Variants in XXYLT1 observed in about 807,000 individuals in gnomAD.
XXYLT1 encodes the protein UDP-xylose:alpha-xyloside alpha-1,3-xylosyltransferase.
XXYLT1 carries 20 observed loss-of-function variants against 28.9 expected under a neutral mutation model. The ratio of observed to expected loss-of-function variants is 0.69; its 90% confidence interval spans 0.49 to 1.00. The LOEUF (loss-of-function observed/expected upper bound fraction) is 1.00, where lower values mean the gene tolerates loss of function less well. Among genes scored for constraint, XXYLT1 ranks in the 50% least tolerant of loss-of-function variants. XXYLT1 has a pLI of 0.00. For synonymous variants in XXYLT1, 257 were observed against 253.8 expected, an observed-to-expected ratio of 1.01 and a Z score of -0.12; for missense variants, 542 against 560.1, an observed-to-expected ratio of 0.97 and a Z score of 0.33.
At chr3:195,172,988 C>T (rs181718016) in intron 2 of XXYLT1, among the ~76,000 whole-genome samples, 9 of 152,282 alleles carry the variant, frequency 5.9e-5, no homozygotes, top group East Asian at 1.9e-4. Context: ...CACACCTGAT[C>T]GGGTGAGGGG....
At chr3:195,242,302 A>G (rs1724811201) in intron 1 of XXYLT1, among the ~76,000 whole-genome samples, 2 of 152,166 alleles carry the variant, frequency 1.3e-5, no homozygotes, top group South Asian at 4.1e-4. Context: ...TACTCTAAAC[A>G]TTCCGGAGCA....
At chr3:195,148,820 G>T (rs955500045) in intron 3 of XXYLT1, among the ~76,000 whole-genome samples, 2 of 152,194 alleles carry the variant, frequency 1.3e-5, no homozygotes, top group African/African-American at 4.8e-5. Context: ...ACTCTCCTCA[G>T]CTCTAAACTC....
At chr3:195,158,735 G>A (rs760567848) in intron 2 of XXYLT1, among the ~76,000 whole-genome samples, 40 of 152,240 alleles carry the variant, frequency 2.6e-4, no homozygotes, top group Non-Finnish European at 4.4e-5. Context: ...CCCCTGTGCA[G>A]CCTGCACTGT....
chr3:195,123,743 C>T (rs146848899), intron 3 of XXYLT1, among the ~76,000 whole-genome samples: 30 of 152,320 alleles, frequency 2.0e-4, no homozygotes, highest in African/African-American at 7.2e-4. Flanking sequence ...TCACAGCCAG[C>T]CATCTCCTCA....
rs1222696754 is a variant in XXYLT1, at chr3:195,195,132, G to T, written c.652+31577C>A. ...AAAATTCTCTTTAAACCATAAAACA[G>T]CAGCTGTTACTACAATGGTTGTTGA... On this transcript the variant is annotated intron_variant, in intron 2 of 3. Coordinates refer to ENST00000310380, the MANE Select transcript of XXYLT1 (RefSeq NM_152531.5). This position sits in a 1 kb window ranked among gnomAD's most constrained non-coding sequence, Gnocchi z 4.4. Among the ~76,000 whole-genome samples the T allele has an allele frequency of 6.6e-6, 1 of 151,908 alleles. No individual in the cohort carries two copies. Among genetic ancestry groups the T allele is most frequent in the African/African-American group, 2.4e-5 (1 of 41,304 alleles).
intron 2 of XXYLT1, among the ~76,000 whole-genome samples, chr3:195,199,052 A>C (rs987949372): frequency 3.3e-5 from 5 of 152,216 alleles, no homozygotes; most frequent in African/African-American, 1.2e-4. Context: ...GATCAACTGC[A>C]TTACCAGGGA....
intron 2 of XXYLT1, chr3:195,175,966 G>T: frequency 7.7e-7 from 1 of 1,302,444 alleles, no homozygotes; most frequent in Non-Finnish European, 9.9e-7. Context: ...GCTTAGTCTA[G>T]CCTTACTAAC....
rs762786639 is a variant in XXYLT1, at chr3:195,270,622, G to A, written c.437C>T (p.Ala146Val). 2.6e-6 allele frequency: 4 copies of A among 1,521,856 alleles called. No homozygotes were observed. The highest frequency in any genetic ancestry group is 1.2e-5 in the South Asian group (1 of 83,266). 94.3% of individuals were successfully genotyped at this position (1,521,856 alleles called of 1,614,324 possible). Residue 146 changes from alanine (A) to valine (V), a missense_variant, in exon 1 of 4, where the codon GCC becomes GTC. Ala to Val is a moderately conservative substitution (Grantham distance 64). Coordinates refer to ENST00000310380, the MANE Select transcript of XXYLT1 (RefSeq NM_152531.5). ...VLNLHFVSEEASREVAKGLLR... is the reference protein window; with the variant it reads ...VLNLHFVSEEVSREVAKGLLR... ...CAGGCCCTTGGCCACCTCGCGGCTG[G>A]CCTCCTCGCTCACGAAGTGAAGGTT...
chr3:195,200,867 G>A (rs1295201665), intron 2 of XXYLT1, among the ~76,000 whole-genome samples: 1 of 152,060 alleles, frequency 6.6e-6, no homozygotes, highest in Non-Finnish European at 1.5e-5. Context: ...ATCCTCTACC[G>A]TGAACAACCC....
At position 195,110,301 on chromosome 3, in the gene XXYLT1, GGTA is replaced by G. The variant is rs1560100700; in HGVS notation, c.786-40193_786-40191del. Among the ~76,000 whole-genome samples the G allele has an allele frequency of 3.1e-4, 22 of 72,040 alleles. 3 individuals are homozygous for G. Among genetic ancestry groups the G allele is most frequent in the African/African-American group, 6.1e-4 (10 of 16,430 alleles). The allele number at this position is 72,040 out of a possible 152,430, so 47.3% of individuals were successfully genotyped here. A position where few individuals can be genotyped will look rare whatever the true frequency, so the allele number is the denominator to read the frequency against. ...GTGTGGGGTGTATGTGTGCGTGTGT[GGTA>G]TATGTGTGTGTGGGTGAGGGTGAGG... On this transcript the variant is annotated intron_variant, in intron 3 of 3. Coordinates refer to ENST00000310380, the MANE Select transcript of XXYLT1 (RefSeq NM_152531.5).
intron 3 of XXYLT1, among the ~76,000 whole-genome samples, chr3:195,083,903 G>A (rs574876642): frequency 2.0e-5 from 3 of 152,198 alleles, no homozygotes; most frequent in African/African-American, 2.4e-5. Flanking sequence ...GCAGGCACCC[G>A]TAGTCCCAGC....
Position 195,270,656 on chromosome 3 carries a change from C to T in XXYLT1, c.403G>A (p.Glu135Lys), listed in dbSNP as rs753859042. 4 of 1,578,962 alleles carry T rather than the reference C, an allele frequency of 2.5e-6. No individual in the cohort carries two copies. The highest frequency in any genetic ancestry group is 3.4e-6 in the Non-Finnish European group (4 of 1,168,182). The change falls in exon 1 of 4, where the codon GAG becomes AAG. Residue 135 changes from glutamate (E) to lysine (K), a missense_variant. By Grantham distance (56) the Glu-to-Lys change is moderately conservative. Coordinates refer to ENST00000310380, the MANE Select transcript of XXYLT1 (RefSeq NM_152531.5). ...CTCACGAAGTGAAGGTTAAGCACCT[C>T]GTGCGCCTCGAACTTGGCGAGGCGC... is the stretch of plus-strand genomic sequence containing the variant. ...LLRLAKFEAH[E>K]VLNLHFVSEE...
In XXYLT1 at chr3:195,105,837, C is replaced by T. The variant is rs375285558; in HGVS notation, c.786-35726G>A. Among the ~76,000 whole-genome samples the T allele has an allele frequency of 3.3e-5, 5 of 152,310 alleles. No homozygotes were observed. In the South Asian group the frequency reaches 6.2e-4, roughly 19 times the overall value. On this transcript the variant is annotated intron_variant, in intron 3 of 3. Coordinates refer to ENST00000310380, the MANE Select transcript of XXYLT1 (RefSeq NM_152531.5). ...TTATTCCTGGCCTCCCTGCGCTTCC[C>T]TCTCTCCTTTCCTGGTGACGTTTCC...
chr3:195,270,882 G>A lies in XXYLT1; in HGVS notation c.177C>T (p.Arg59=). 7.0e-7 allele frequency: 1 copy of A among 1,421,706 alleles called. No individual in the cohort carries two copies. 88.1% of individuals were successfully genotyped at this position (1,421,706 alleles called of 1,614,324 possible). A position where few individuals can be genotyped will look rare whatever the true frequency, so the allele number is the denominator to read the frequency against. The part of the protein sequence containing the change: ...SSATKRLKEA[R]AGAPAAPSPP... ...GCGAGGGCGCGGCGGGAGCCCCGGC[G>A]CGGGCCTCCTTCAGCCTCTTGGTGG... is the stretch of plus-strand genomic sequence containing the variant. The change falls in exon 1 of 4, where the codon CGC becomes CGT. Residue 59 remains arginine, a synonymous_variant. Transcript: ENST00000310380.
At chr3:195,088,071 CTG>C (rs1437027926) in intron 3 of XXYLT1, among the ~76,000 whole-genome samples, 11 of 152,042 alleles carry the variant, frequency 7.2e-5, no homozygotes, top group Non-Finnish European at 1.6e-4. Flanking sequence ...GCACAGCGGT[CTG>C]AGATCAAACT....
rs537268215 is a variant in XXYLT1 at position 195,150,644 on chromosome 3, G to A, written c.785+5805C>T. ...GTGGGCCGGGGCTCACACAGCACACGGCTGCCCGCAGAGCCTGGGGAGAAT... is the reference window on the plus strand; with the variant it reads ...GTGGGCCGGGGCTCACACAGCACACAGCTGCCCGCAGAGCCTGGGGAGAAT... On this transcript the variant is annotated intron_variant, in intron 3 of 3. Transcript: ENST00000310380. The surrounding 1 kb of genome is among the most constrained non-coding windows in gnomAD (Gnocchi z 4.7). Among the ~76,000 whole-genome samples, 1 of 152,298 alleles carries A rather than the reference G, an allele frequency of 6.6e-6. No individual in the cohort carries two copies. The highest frequency in any genetic ancestry group is 2.1e-4 in the South Asian group (1 of 4,826).
intron 3 of XXYLT1, among the ~76,000 whole-genome samples, chr3:195,116,257 G>C (rs1277540755): frequency 6.6e-6 from 1 of 152,170 alleles, no homozygotes; most frequent in Non-Finnish European, 1.5e-5. Flanking sequence ...CAACATTTCT[G>C]GGCAAGTAAG....
chr3:195,104,752 T>G lies in XXYLT1; in HGVS notation c.786-34641A>C, dbSNP rs559397193. Among the ~76,000 whole-genome samples the G allele has an allele frequency of 9.9e-5, 15 of 152,238 alleles. No homozygotes were observed. In the South Asian group the frequency reaches 1.2e-3, roughly 13 times the overall value. On this transcript the variant is annotated intron_variant, in intron 3 of 3. Coordinates refer to ENST00000310380, the MANE Select transcript of XXYLT1 (RefSeq NM_152531.5). Reference sequence around the variant, plus strand: ...CTTGATTTTAAATGTTGGCAACTAATACAAAGTAACAACAACAACAAAATG... The same window carrying G: ...CTTGATTTTAAATGTTGGCAACTAAGACAAAGTAACAACAACAACAAAATG...
At position 195,124,766 on chromosome 3, in the gene XXYLT1, G is replaced by A. The variant is rs1718531320; in HGVS notation, c.785+31683C>T. ...GCCCTCGCTGGCCGGGACACAGTCA[G>A]CCAGGTTCCAGGGACCACAACTCCC... On this transcript the variant is annotated intron_variant, in intron 3 of 3. Transcript: ENST00000310380. The surrounding 1 kb of genome is among the most constrained non-coding windows in gnomAD (Gnocchi z 4.1). 6.6e-6 allele frequency among the ~76,000 whole-genome samples: 1 copy of A among 152,186 alleles called. No individual in the cohort carries two copies. Among genetic ancestry groups the A allele is most frequent in the South Asian group, 2.1e-4 (1 of 4,830 alleles).
Sources: gnomAD v4.1 joint callset for allele counts (sites outside exome capture counted in the v4.1 genomes callset) on GRCh38, gnomAD v4.1.1 for gene constraint, Gnocchi (gnomAD v3.1) non-coding constraint, MANE v1.5 for transcripts, NCBI Gene and HGNC (gene_info 2026-07-23, HGNC 2026-07-21) for gene names.